CA10: variants seen among roughly 807,000 people sequenced by gnomAD.
CA10 encodes the protein carbonic anhydrase 10 (inactive), also known as carbonic anhydrase-related protein 10.
A neutral mutation model predicts 44.2 loss-of-function variants in CA10; 14 were observed. That is an observed-to-expected ratio of 0.32 (90% CI 0.21 to 0.50). The LOEUF (loss-of-function observed/expected upper bound fraction) is 0.50, where lower values mean the gene tolerates loss of function less well. CA10 is among the 20% of genes least tolerant of loss of function. The probability of loss-of-function intolerance (pLI) is 0.99; values close to 1 mark genes in which losing one functional copy is unlikely to be tolerated. For synonymous variants in CA10, 159 were observed against 141.6 expected, an observed-to-expected ratio of 1.12 and a Z score of -0.87; for missense variants, 350 against 409.7, an observed-to-expected ratio of 0.85 and a Z score of 1.26.
In CA10 at chr17:52,157,812, C is replaced by T; in HGVS notation, c.-26G>A. On this transcript the variant is annotated 5_prime_UTR_variant, in exon 1 of 9. The change abolishes the stop of an existing upstream ORF in the 5' untranslated region. Coordinates refer to ENST00000451037, the MANE Select transcript of CA10 (RefSeq NM_020178.5). ...CCTCTGATTCTCATTCCAAGTGCATCACTCGACGGGAAAACGGGGGGAAGG... is the reference window on the plus strand; with the variant it reads ...CCTCTGATTCTCATTCCAAGTGCATTACTCGACGGGAAAACGGGGGGAAGG... The T allele has an allele frequency of 6.2e-7, 1 of 1,604,876 alleles. No individual in the cohort carries two copies. The highest frequency in any genetic ancestry group is 8.5e-7 in the Non-Finnish European group (1 of 1,171,608).
chr17:52,128,426 A>G (rs1989164614), intron 1 of CA10, among the ~76,000 whole-genome samples: 1 of 152,110 alleles, frequency 6.6e-6, no homozygotes, highest in Admixed American at 6.5e-5. Flanking sequence ...CTCCCTTACA[A>G]TCCAAGATCA....
intron 2 of CA10, among the ~76,000 whole-genome samples, chr17:51,970,862 C>T (rs781507472): frequency 4.0e-5 from 6 of 151,880 alleles, no homozygotes; most frequent in African/African-American, 9.7e-5. Context: ...CAAGAAGAAT[C>T]GGCAATAATA....
At chr17:51,919,356 C>T (rs1347841778) in intron 3 of CA10, among the ~76,000 whole-genome samples, 2 of 152,092 alleles carry the variant, frequency 1.3e-5, no homozygotes, top group Non-Finnish European at 2.9e-5. Context: ...CTGATACCAG[C>T]TTTTTAAGAT....
chr17:51,999,725 T>C (rs1598159781), intron 2 of CA10, among the ~76,000 whole-genome samples: 1 of 152,056 alleles, frequency 6.6e-6, no homozygotes. Context: ...CCTTATAGGT[T>C]CCAGCCTGTC....
intron 3 of CA10, among the ~76,000 whole-genome samples, chr17:51,777,278 G>A (rs1905859446): frequency 6.6e-6 from 1 of 152,168 alleles, no homozygotes; most frequent in South Asian, 2.1e-4. Flanking sequence ...ATATTGAGTT[G>A]GCTTTGAGAT....
intron 3 of CA10, among the ~76,000 whole-genome samples, chr17:51,845,817 C>A (rs1443715642): frequency 6.6e-6 from 1 of 152,156 alleles, no homozygotes; most frequent in Non-Finnish European, 1.5e-5. Context: ...AAATAAAGGG[C>A]GACTGGCTTC....
In CA10 at chr17:51,717,821, ATG is replaced by A. The variant is rs377290070; in HGVS notation, c.465+29810_465+29811del. On this transcript the variant is annotated intron_variant, in intron 4 of 8. Coordinates refer to ENST00000451037, the MANE Select transcript of CA10 (RefSeq NM_020178.5). ...TGTGTATATATATACACGTATATAT[ATG>A]TGTGTGTATATATATATATATATAT... Among the ~76,000 whole-genome samples, 22 of 38,090 alleles carry A rather than the reference ATG, an allele frequency of 5.8e-4. 3 individuals are homozygous for A. Among genetic ancestry groups the A allele is most frequent in the African/African-American group, 2.4e-3 (20 of 8,228 alleles). The allele number at this position is 38,090 out of a possible 152,430, so 25.0% of individuals were successfully genotyped here.
At chr17:51,731,375 C>G (rs903113528) in intron 4 of CA10, among the ~76,000 whole-genome samples, 1 of 151,498 alleles carries the variant, frequency 6.6e-6, no homozygotes, top group African/African-American at 2.4e-5. Flanking sequence ...GACTCCGTCT[C>G]AAGAAAAAAA....
chr17:51,799,087 T>C (rs1398779043), intron 3 of CA10, among the ~76,000 whole-genome samples: 1 of 152,184 alleles, frequency 6.6e-6, no homozygotes, highest in African/African-American at 2.4e-5. Flanking sequence ...CAAAGGAGTG[T>C]CCAAATGTCT....
At chr17:51,818,528 A>T (rs1215480392) in intron 3 of CA10, among the ~76,000 whole-genome samples, 1 of 152,096 alleles carries the variant, frequency 6.6e-6, no homozygotes, top group Non-Finnish European at 1.5e-5. Context: ...TGTGCCTCCT[A>T]GGAAGTATGA....
At chr17:51,878,082 T>C (rs550890717) in intron 3 of CA10, among the ~76,000 whole-genome samples, 2 of 134,424 alleles carry the variant, frequency 1.5e-5, no homozygotes, top group African/African-American at 5.8e-5. Context: ...AGGCGGAGGT[T>C]ACAGTGAGCC....
In CA10 at chr17:51,947,224, CAAA is replaced by C. The variant is rs1198796736; in HGVS notation, c.137-16095_137-16093del. ...TGATTTTGGAATGCATCTTCATGTG[CAAA>C]AAAAAAAAAAAAAAAAAAAAGCCAA... is the stretch of plus-strand genomic sequence containing the variant. On this transcript the variant is annotated intron_variant, in intron 2 of 8. Transcript: ENST00000451037. Among the ~76,000 whole-genome samples the C allele has an allele frequency of 2.4e-3, 124 of 52,094 alleles. 1 individual carries two copies. The South Asian group carries it at 0.046, about 19-fold the overall frequency. 34.2% of individuals were successfully genotyped at this position (52,094 alleles called of 152,430 possible).
chr17:51,655,667 G>A (rs965314058), intron 4 of CA10, among the ~76,000 whole-genome samples: 2 of 152,208 alleles, frequency 1.3e-5, no homozygotes, highest in African/African-American at 4.8e-5. Context: ...CAGCTAGAGG[G>A]AAGTTGGACT....
intron 2 of CA10, among the ~76,000 whole-genome samples, chr17:52,037,286 GAGAAGTAGAAA>G (rs896847839): frequency 1.6e-4 from 25 of 152,116 alleles, no homozygotes; most frequent in Admixed American, 1.0e-3. Context: ...AGTCAGCATT[GAGAAGTAGAAA>G]AGAAGTAGAA....
chr17:52,069,200 T>C (rs1987615354), intron 2 of CA10, among the ~76,000 whole-genome samples: 1 of 152,216 alleles, frequency 6.6e-6, no homozygotes, highest in South Asian at 2.1e-4. Context: ...CATCCAGGCA[T>C]GTTTGGTCTA....
intron 1 of CA10, among the ~76,000 whole-genome samples, chr17:52,078,073 A>T (rs534826866): frequency 7.3e-4 from 111 of 152,340 alleles, no homozygotes; most frequent in African/African-American, 2.6e-3. Flanking sequence ...CCCAAAGATG[A>T]TGTGATCTGG....
chr17:51,639,544 T>A (rs1912990554), intron 6 of CA10, among the ~76,000 whole-genome samples: 1 of 152,118 alleles, frequency 6.6e-6, no homozygotes, highest in Non-Finnish European at 1.5e-5. Context: ...TACCCCAGAC[T>A]CCATCCACTG....
At chr17:51,660,187 G>C (rs4794290) in intron 4 of CA10, among the ~76,000 whole-genome samples, 351 of 152,288 alleles carry the variant, frequency 2.3e-3, no homozygotes, top group Non-Finnish European at 4.2e-3. Flanking sequence ...GGTGATATGA[G>C]GAGAAATTGT....
At chr17:52,159,706 G>A (rs1431022511), upstream of CA10, 1 of 152,320 alleles carries the variant, frequency 6.6e-6, no homozygotes, top group Non-Finnish European at 1.5e-5. Context: ...CGAGGCCAGG[G>A]GCAGCCAGTC....
Sources: gnomAD v4.1 joint callset for allele counts (sites outside exome capture counted in the v4.1 genomes callset) on GRCh38, gnomAD v4.1.1 for gene constraint, MANE v1.5 for transcripts, NCBI Gene and HGNC (gene_info 2026-07-23, HGNC 2026-07-21) for gene names.